The following RBFOX1 variants were observed in gnomAD, a reference collection of about 807,000 sequenced individuals.
The protein encoded by RBFOX1 is RNA binding protein fox-1 homolog 1.
A neutral mutation model predicts 57.7 loss-of-function variants in RBFOX1; 8 were observed. The ratio of observed to expected loss-of-function variants is 0.14; its 90% CI spans 0.08 to 0.25. The LOEUF (loss-of-function observed/expected upper bound fraction) is 0.25, where lower values mean the gene tolerates loss of function less well. Ranked by LOEUF, RBFOX1 falls within the 10% of genes least tolerant of loss-of-function variation. RBFOX1 has a pLI of 1.00. For missense variants in RBFOX1, 611 were observed against 548.5 expected, an observed-to-expected ratio of 1.11 and a Z score of -1.14; for synonymous variants, 326 against 222.4, an observed-to-expected ratio of 1.47 and a Z score of -4.15.
At chr16:5,495,280 C>T (rs951160063) in intron 2 of RBFOX1, among the ~76,000 whole-genome samples, 2 of 152,208 alleles carry the variant, frequency 1.3e-5, no homozygotes, top group African/African-American at 4.8e-5. Context: ...ACTTTGGATA[C>T]CAGTCTTTCC....
At chr16:6,902,765 G>C (rs2068798960) in intron 3 of RBFOX1, among the ~76,000 whole-genome samples, 1 of 152,154 alleles carries the variant, frequency 6.6e-6, no homozygotes, top group South Asian at 2.1e-4. Context: ...AGTTTTAAAG[G>C]AACCCTTCAA....
intron 2 of RBFOX1, among the ~76,000 whole-genome samples, chr16:6,428,070 C>T (rs535325194): frequency 6.6e-6 from 1 of 152,018 alleles, no homozygotes; most frequent in African/African-American, 2.4e-5. Flanking sequence ...ATCACTTGAG[C>T]CTGGGAGTTC....
chr16:7,429,125 A>G (rs2149533517), intron 4 of RBFOX1, among the ~76,000 whole-genome samples: 1 of 152,286 alleles, frequency 6.6e-6, no homozygotes, highest in Admixed American at 6.5e-5. Flanking sequence ...GAGCGGCATA[A>G]GGCTTTTCTG....
chr16:7,121,300 G>T (rs1185948047), intron 4 of RBFOX1, among the ~76,000 whole-genome samples: 3 of 152,042 alleles, frequency 2.0e-5, no homozygotes, highest in African/African-American at 7.2e-5. Context: ...GAGCATATCG[G>T]TTGGAAATTA....
At chr16:5,456,876 C>G (rs1400153147) in intron 1 of RBFOX1, among the ~76,000 whole-genome samples, 5 of 152,224 alleles carry the variant, frequency 3.3e-5, no homozygotes, top group Non-Finnish European at 5.9e-5. Flanking sequence ...CCCCACTTCT[C>G]TTCTCCAGCC....
chr16:6,714,525 G>A (rs1003431122), intron 3 of RBFOX1, among the ~76,000 whole-genome samples: 1 of 152,110 alleles, frequency 6.6e-6, no homozygotes, highest in Non-Finnish European at 1.5e-5. Context: ...GGGGCCTGGG[G>A]TACTTATACT....
chr16:7,028,047 A>C (rs11861945), intron 3 of RBFOX1, among the ~76,000 whole-genome samples: 35 of 152,050 alleles, frequency 2.3e-4, no homozygotes, highest in Non-Finnish European at 3.5e-4. Flanking sequence ...AATCTCCAGC[A>C]CAGAAAGTGT....
chr16:6,434,361 G>T (rs969030064), intron 2 of RBFOX1, among the ~76,000 whole-genome samples: 1 of 151,978 alleles, frequency 6.6e-6, no homozygotes, highest in Admixed American at 6.6e-5. Context: ...TACTGGCATG[G>T]GTTCCTTCCC....
At chr16:5,807,098 G>A (rs1316068056) in intron 3 of RBFOX1, among the ~76,000 whole-genome samples, 1 of 152,194 alleles carries the variant, frequency 6.6e-6, no homozygotes, top group Non-Finnish European at 1.5e-5. Context: ...GGTGTGAAAT[G>A]TCTAGGTAAA....
intron 3 of RBFOX1, among the ~76,000 whole-genome samples, chr16:6,724,303 G>A (rs2066672344): frequency 6.7e-6 from 1 of 149,400 alleles, no homozygotes. Flanking sequence ...TCTGCCTCCT[G>A]GCTTCAAGCA....
intron 4 of RBFOX1, among the ~76,000 whole-genome samples, chr16:7,333,595 C>A (rs1274271521): frequency 6.6e-6 from 1 of 152,162 alleles, no homozygotes; most frequent in Admixed American, 6.5e-5. Context: ...AGAAGGAACA[C>A]TCTATTGATG....
intron 1 of RBFOX1, among the ~76,000 whole-genome samples, chr16:6,098,992 A>G (rs1291252015): frequency 1.3e-5 from 2 of 152,200 alleles, no homozygotes; most frequent in East Asian, 3.8e-4. Context: ...CATGATTCAT[A>G]TCAACAGAGG....
intron 4 of RBFOX1, among the ~76,000 whole-genome samples, chr16:7,346,663 A>T (rs981950555): frequency 1.3e-5 from 2 of 151,926 alleles, no homozygotes; most frequent in Non-Finnish European, 2.9e-5. Context: ...CTTTGTGTTC[A>T]GATCTGCCCT....
intron 4 of RBFOX1, among the ~76,000 whole-genome samples, chr16:7,070,985 TG>T (rs2057219420): frequency 6.6e-6 from 1 of 152,164 alleles, no homozygotes; most frequent in Non-Finnish European, 1.5e-5. Context: ...CAGAGTGGCA[TG>T]TTGTCAAGTT....
chr16:6,611,748 T>C (rs1422559719), intron 2 of RBFOX1, among the ~76,000 whole-genome samples: 1 of 152,134 alleles, frequency 6.6e-6, no homozygotes, highest in African/African-American at 2.4e-5. Flanking sequence ...AAACTCTGAA[T>C]GCAGGAGAAG....
intron 9 of RBFOX1, among the ~76,000 whole-genome samples, chr16:7,601,777 G>A (rs2095038238): frequency 6.6e-6 from 1 of 152,126 alleles, no homozygotes; most frequent in Non-Finnish European, 1.5e-5. Flanking sequence ...CTGTCTGTGA[G>A]GCATTCTCAA....
intron 1 of RBFOX1, among the ~76,000 whole-genome samples, chr16:6,151,116 C>G (rs1243148754): frequency 6.6e-6 from 1 of 152,092 alleles, no homozygotes; most frequent in African/African-American, 2.4e-5. Flanking sequence ...TTCATCATCC[C>G]TCCATAAATA....
chr16:6,728,556 C>A (rs982400761), intron 3 of RBFOX1, among the ~76,000 whole-genome samples: 9 of 152,254 alleles, frequency 5.9e-5, no homozygotes, highest in African/African-American at 2.2e-4. Context: ...AGCTCATTAT[C>A]CCCCACAAAA....
chr16:7,278,417 G>A (rs537122697), intron 4 of RBFOX1, among the ~76,000 whole-genome samples: 2 of 152,176 alleles, frequency 1.3e-5, no homozygotes, highest in East Asian at 3.9e-4. Flanking sequence ...CAAGCCAGAG[G>A]GTGTTGGACA....
Sources: gnomAD v4.1 joint callset for allele counts (sites outside exome capture counted in the v4.1 genomes callset) on GRCh38, gnomAD v4.1.1 for gene constraint, MANE v1.5 for transcripts, NCBI Gene and HGNC (gene_info 2026-07-23, HGNC 2026-07-21) for gene names.